The following ZFHX3 variants were observed in gnomAD, a reference collection of about 807,000 sequenced individuals.
ZFHX3 encodes zinc finger homeobox protein 3.
In ZFHX3, 42 loss-of-function variants were observed where a neutral mutation model predicts 279.1. The observed-to-expected ratio is 0.15, with a 90% CI of 0.12 to 0.19. ZFHX3 has a LOEUF of 0.19. Among genes scored for constraint, ZFHX3 ranks in the 10% least tolerant of loss-of-function variants. The probability of loss-of-function intolerance (pLI) is 1.00; values close to 1 mark genes in which losing one functional copy is unlikely to be tolerated. For synonymous variants in ZFHX3, 2,293 were observed against 1,957.8 expected, an observed-to-expected ratio of 1.17 and a Z score of -4.52; for missense variants, 4,981 against 4,754.0, an observed-to-expected ratio of 1.05 and a Z score of -1.40.
chr16:73,703,612 G>A (rs1260324038), intron 1 of ZFHX3, among the ~76,000 whole-genome samples: 1 of 152,100 alleles, frequency 6.6e-6, no homozygotes, highest in Non-Finnish European at 1.5e-5. Flanking sequence ...ATAAAGAAGT[G>A]TGCAGAGATC....
At chr16:72,837,474 ATTTTTTTT>A (rs761762599) in intron 4 of ZFHX3, among the ~76,000 whole-genome samples, 2 of 125,194 alleles carry the variant, frequency 1.6e-5, no homozygotes, top group African/African-American at 5.9e-5. Context: ...TCCAATGATG[ATTTTTTTT>A]TTTTTTTTTT....
chr16:73,336,117 C>T (rs545778820), intron 3 of ZFHX3, among the ~76,000 whole-genome samples: 2 of 152,260 alleles, frequency 1.3e-5, no homozygotes, highest in African/African-American at 4.8e-5. Context: ...GTATCTGGGG[C>T]GGCAGGTGCA....
chr16:73,833,433 A>C (rs1414933931), intron 1 of ZFHX3, among the ~76,000 whole-genome samples: 1 of 152,208 alleles, frequency 6.6e-6, no homozygotes, highest in Non-Finnish European at 1.5e-5. Context: ...TCCTGTCCTC[A>C]AGAAACTCAC....
Position 73,823,906 on chromosome 16 carries a change from T to G in ZFHX3, c.-1608+67745A>C, listed in dbSNP as rs562290155. On this transcript the variant is annotated intron_variant, in intron 1 of 17. Coordinates refer to the ZFHX3 transcript ENST00000641206. ...GTCATAGGAGGGAAAAGGTGCATGA[T>G]AAACATTTTTAATGACATCTCAGAA... Among the ~76,000 whole-genome samples the G allele has an allele frequency of 1.3e-3, 193 of 152,286 alleles. 1 individual carries two copies. Among genetic ancestry groups the G allele is most frequent in the Non-Finnish European group, 4.1e-4 (28 of 68,018 alleles).
At chr16:73,284,308 C>T (rs1294859063) in intron 4 of ZFHX3, among the ~76,000 whole-genome samples, 3 of 96,568 alleles carry the variant, frequency 3.1e-5, no homozygotes, top group African/African-American at 1.3e-4. Context: ...CAGAGTGAGA[C>T]TCTGTCTCAA....
chr16:73,555,131 C>G (rs921810567), intron 2 of ZFHX3, among the ~76,000 whole-genome samples: 1 of 152,140 alleles, frequency 6.6e-6, no homozygotes, highest in African/African-American at 2.4e-5. Context: ...TCTCTTAAGA[C>G]TCTTCTAGAA....
At chr16:73,090,760 C>A (rs8055596) in intron 8 of ZFHX3, among the ~76,000 whole-genome samples, 140,194 of 151,420 alleles carry the variant, frequency 0.93, 64,983 homozygotes, top group East Asian at 1. Context: ...ACATACAAAA[C>A]ATTAGCCAGG....
intron 1 of ZFHX3, among the ~76,000 whole-genome samples, chr16:73,856,948 A>G (rs927561935): frequency 2.6e-5 from 4 of 152,244 alleles, no homozygotes; most frequent in Non-Finnish European, 5.9e-5. Flanking sequence ...CGAATGTCCA[A>G]CGTGAAATGA....
chr16:72,852,129 A>G lies in ZFHX3; in HGVS notation c.3449-22270T>C, dbSNP rs530354320. 5.3e-5 allele frequency among the ~76,000 whole-genome samples: 8 copies of G among 152,346 alleles called. No homozygotes were observed. The South Asian group carries it at 1.7e-3, about 32-fold the overall frequency. ...AAATATAGAAACAAAACAGAAGCTT[A>G]GTTGATACTATTTAACTACCTTCCA... On this transcript the variant is annotated intron_variant, in intron 4 of 9. Coordinates refer to ENST00000268489, the MANE Select transcript of ZFHX3 (RefSeq NM_006885.4).
At chr16:73,433,137 T>C (rs2017938150) in intron 3 of ZFHX3, among the ~76,000 whole-genome samples, 1 of 152,190 alleles carries the variant, frequency 6.6e-6, no homozygotes, top group Non-Finnish European at 1.5e-5. Context: ...AGGTCCTCCG[T>C]GGAGTAGAGC....
rs571673592 is a variant in ZFHX3, at chr16:72,811,773, T to A, written c.3668A>T (p.Tyr1223Phe). ...ACTGTACTTGCAGTAGGGACACTGG[T>A]ACATCTGTGGGGAACACACCCACTG... ...TAEEIKPEQMYQCPYCKYSNA... is the reference protein window; with the variant it reads ...TAEEIKPEQMFQCPYCKYSNA... Residue 1223 changes from tyrosine to phenylalanine, a missense_variant, in exon 7 of 10, where the codon TAC (tyrosine) becomes TTC (phenylalanine). This residue lies in a region of ZFHX3 where 1,751 missense variants were observed against 1,770.0 expected (regional missense o/e 0.99). Coordinates refer to ENST00000268489, the MANE Select transcript of ZFHX3 (RefSeq NM_006885.4). 2.7e-5 allele frequency: 43 copies of A among 1,613,198 alleles called. No individual in the cohort carries two copies. The South Asian group carries it at 4.6e-4, about 17-fold the overall frequency.
intron 3 of ZFHX3, among the ~76,000 whole-genome samples, chr16:72,943,259 C>T (rs1055854538): frequency 3.9e-5 from 6 of 152,292 alleles, no homozygotes; most frequent in Admixed American, 1.3e-4. Context: ...TAGGGCCAGG[C>T]GTGGGGGCTC....
At chr16:73,161,401 G>A (rs910351140) in intron 5 of ZFHX3, among the ~76,000 whole-genome samples, 2 of 152,256 alleles carry the variant, frequency 1.3e-5, no homozygotes, top group South Asian at 2.1e-4. Flanking sequence ...TCGCTCAACG[G>A]TTATTGATCA....
intron 4 of ZFHX3, among the ~76,000 whole-genome samples, chr16:72,834,996 G>A (rs2037153543): frequency 6.6e-6 from 1 of 152,120 alleles, no homozygotes; most frequent in Non-Finnish European, 1.5e-5. Context: ...ACCTGACAAA[G>A]CCCCCATAGT....
chr16:73,742,675 C>T (rs2053669789), intron 1 of ZFHX3, among the ~76,000 whole-genome samples: 1 of 152,184 alleles, frequency 6.6e-6, no homozygotes, highest in African/African-American at 2.4e-5. Flanking sequence ...TGGGTTTAAG[C>T]ATACAGAGCA....
At chr16:73,365,308 C>A (rs959460175) in intron 3 of ZFHX3, among the ~76,000 whole-genome samples, 1 of 152,198 alleles carries the variant, frequency 6.6e-6, no homozygotes, top group Admixed American at 6.5e-5. Flanking sequence ...GGGATGCAGA[C>A]GAGAGCTGGT....
At chr16:73,321,195 T>G (rs978896087) in intron 3 of ZFHX3, among the ~76,000 whole-genome samples, 2 of 152,160 alleles carry the variant, frequency 1.3e-5, no homozygotes, top group African/African-American at 4.8e-5. Flanking sequence ...AGAACATTGC[T>G]CTCTAAAATT....
intron 3 of ZFHX3, among the ~76,000 whole-genome samples, chr16:73,323,712 G>T (rs2015626158): frequency 1.3e-5 from 2 of 152,282 alleles, no homozygotes; most frequent in South Asian, 4.1e-4. Context: ...AAGCTAGAAA[G>T]TCAGGAAAAG....
chr16:73,132,906 C>T (rs1170558672), intron 6 of ZFHX3, among the ~76,000 whole-genome samples: 2 of 152,228 alleles, frequency 1.3e-5, no homozygotes, highest in African/African-American at 4.8e-5. Context: ...GTGTTCTTCT[C>T]CTGGTCGGTT....
Sources: gnomAD v4.1 joint callset for allele counts (sites outside exome capture counted in the v4.1 genomes callset) on GRCh38, gnomAD v4.1.1 for gene constraint, gnomAD v4.1.1 regional missense constraint, MANE v1.5 for transcripts, NCBI Gene and HGNC (gene_info 2026-07-23, HGNC 2026-07-21) for gene names.